TRIM9: variants seen among roughly 807,000 people sequenced by gnomAD.
TRIM9 encodes the protein E3 ubiquitin-protein ligase TRIM9.
TRIM9 carries 26 observed loss-of-function variants against 78.3 expected under a neutral mutation model. The observed-to-expected ratio is 0.33, with a 90% CI of 0.24 to 0.46. The LOEUF (loss-of-function observed/expected upper bound fraction) is 0.46, where lower values mean the gene tolerates loss of function less well. TRIM9 is among the 20% of genes least tolerant of loss of function. The pLI is 1.00. For synonymous variants in TRIM9, 398 were observed against 416.5 expected (o/e 0.96, Z 0.54); for missense variants, 787 against 1,036.4 (o/e 0.76, Z 3.30).
chr14:51,063,450 G>C lies in TRIM9; in HGVS notation c.822+30668C>G, dbSNP rs2061498508. Among the ~76,000 whole-genome samples, 3 of 149,348 alleles carry C rather than the reference G, an allele frequency of 2.0e-5. No homozygotes were observed. The South Asian group carries it at 6.4e-4, about 32-fold the overall frequency. ...TATTTGAAGAGATGGTAGTAAAAATGCTCCCAAATTTGGTTAAAAAATTAT... is the reference window on the plus strand; with the variant it reads ...TATTTGAAGAGATGGTAGTAAAAATCCTCCCAAATTTGGTTAAAAAATTAT... On this transcript the variant is annotated intron_variant, in intron 1 of 12. Transcript: ENST00000684578.
chr14:51,041,887 G>C lies in TRIM9; in HGVS notation c.823-16527C>G, dbSNP rs1218754621. 2.0e-5 allele frequency among the ~76,000 whole-genome samples: 3 copies of C among 152,094 alleles called. No individual in the cohort carries two copies. The East Asian group carries it at 5.8e-4, about 29-fold the overall frequency. On this transcript the variant is annotated intron_variant, in intron 1 of 12. Transcript: ENST00000684578. ...TAATGCCTACTTGTAAGAAAAAATT[G>C]CTATCAATCTAGTGGTATAAAATTA...
intron 1 of TRIM9, among the ~76,000 whole-genome samples, chr14:51,028,952 A>T (rs909136319): frequency 6.6e-6 from 1 of 151,948 alleles, no homozygotes; most frequent in African/African-American, 2.4e-5. Context: ...CCTCCCCAGG[A>T]GGGAGAGATC....
intron 1 of TRIM9, among the ~76,000 whole-genome samples, chr14:51,061,078 T>C (rs1215458937): frequency 6.6e-6 from 1 of 152,186 alleles, no homozygotes; most frequent in East Asian, 1.9e-4. Context: ...ATTCCTACAT[T>C]TTTTGTGAAG....
chr14:51,082,075 G>C (rs2063351200), intron 1 of TRIM9, among the ~76,000 whole-genome samples: 1 of 152,142 alleles, frequency 6.6e-6, no homozygotes, highest in Non-Finnish European at 1.5e-5. Flanking sequence ...CTAGTCATTA[G>C]AGAAATGCAA....
chr14:51,067,465 C>T (rs538608789), intron 1 of TRIM9, among the ~76,000 whole-genome samples: 1 of 152,318 alleles, frequency 6.6e-6, no homozygotes, highest in Non-Finnish European at 1.5e-5. Context: ...AAGACACTCC[C>T]ATGGCCTCCT....
At chr14:51,084,156 G>A (rs9707722) in intron 1 of TRIM9, among the ~76,000 whole-genome samples, 71,533 of 151,862 alleles carry the variant, frequency 0.47, 17,485 homozygotes, top group African/African-American at 0.58. Context: ...CTTACTATCA[G>A]TTCAAACTTT....
chr14:51,092,313 G>A (rs951483279), intron 1 of TRIM9, among the ~76,000 whole-genome samples: 1 of 152,230 alleles, frequency 6.6e-6, no homozygotes, highest in Non-Finnish European at 1.5e-5. Context: ...TAGGTTATAT[G>A]TGAGAATAGA....
Position 51,094,509 on chromosome 14 carries a change from C to G in TRIM9, c.431G>C (p.Gly144Ala). ...TTCCAGTACGCGATTCTTGGGGAAG[C>G]CGCGGAGCCCCCGGTCATCCAGGAT... ...SLILDDRGLR[G>A]FPKNRVLEGV... Residue 144 changes from glycine to alanine, a missense_variant, in exon 1 of 13, where the codon GGC becomes GCC. Coordinates refer to ENST00000684578, the MANE Select transcript of TRIM9 (RefSeq NM_001387360.1). 6.2e-7 allele frequency: 1 copy of G among 1,613,622 alleles called. No individual in the cohort carries two copies. Among genetic ancestry groups the G allele is most frequent in the Non-Finnish European group, 8.5e-7 (1 of 1,179,928 alleles).
intron 7 of TRIM9, among the ~76,000 whole-genome samples, chr14:50,988,574 C>CTT (rs67154650): frequency 5.1e-5 from 7 of 138,250 alleles, no homozygotes; most frequent in Admixed American, 1.5e-4. Flanking sequence ...ACAACCATTT[C>CTT]TTTTTTTTTT....
At chr14:50,997,685 C>T in intron 7 of TRIM9, 1 of 1,139,412 alleles carries the variant, frequency 8.8e-7, no homozygotes, top group South Asian at 3.1e-5. Context: ...AAAACTGGCA[C>T]ATGATGTGTA....
chr14:51,034,725 C>G (rs544811066), intron 1 of TRIM9, among the ~76,000 whole-genome samples: 1 of 152,160 alleles, frequency 6.6e-6, no homozygotes, highest in Non-Finnish European at 1.5e-5. Context: ...TTATAGAGAC[C>G]TATACAGTGA....
At chr14:51,003,271 G>C (rs2055323354) in intron 5 of TRIM9, among the ~76,000 whole-genome samples, 2 of 151,972 alleles carry the variant, frequency 1.3e-5, no homozygotes, top group African/African-American at 4.8e-5. Context: ...ATTCTTCAAA[G>C]GGCTTGTAGA....
At chr14:51,089,677 G>C (rs2064127017) in intron 1 of TRIM9, among the ~76,000 whole-genome samples, 1 of 152,196 alleles carries the variant, frequency 6.6e-6, no homozygotes, top group Admixed American at 6.5e-5. Context: ...TCTTTGTATA[G>C]TATTCTTATT....
In TRIM9 at chr14:51,094,283, C is replaced by T. The variant is rs201843050; in HGVS notation, c.657G>A (p.Arg219=). The part of the protein sequence containing the change: ...LVPPAQGRVS[R]RLSPRKVSTC... The stretch of plus-strand genomic sequence containing the variant: ...TGGAGACCTTGCGTGGGCTCAGCCT[C>T]CGGCTCACACGACCCTGGGCCGGGG... Residue 219 remains arginine (R), a synonymous_variant, in exon 1 of 13, where the codon CGG becomes CGA. Transcript: ENST00000684578. 5 of 1,614,056 alleles carry T rather than the reference C, an allele frequency of 3.1e-6. No individual in the cohort carries two copies. The highest frequency in any genetic ancestry group is 3.3e-5 in the Admixed American group (2 of 60,030).
rs75962801 is a variant in TRIM9 at position 51,079,423 on chromosome 14, C to T, written c.822+14695G>A. ...TTCCAGGTTCTACTAAGTATTTGTC[C>T]TATTTCATTTCCATGGTGGCTATAT... is the stretch of plus-strand genomic sequence containing the variant. On this transcript the variant is annotated intron_variant, in intron 1 of 12. Transcript: ENST00000684578. Among the ~76,000 whole-genome samples the T allele has an allele frequency of 3.0e-3, 455 of 152,248 alleles. 16 individuals are homozygous for T. In the East Asian group the frequency reaches 0.07, roughly 23 times the overall value.
chr14:51,074,890 A>G (rs4389065), intron 1 of TRIM9, among the ~76,000 whole-genome samples: 83,752 of 152,162 alleles, frequency 0.55, 23,153 homozygotes, highest in South Asian at 0.61. Context: ...AGATGCCGCA[A>G]CTACATGGTT....
At chr14:51,055,576 G>A (rs2060832441) in intron 1 of TRIM9, among the ~76,000 whole-genome samples, 1 of 152,238 alleles carries the variant, frequency 6.6e-6, no homozygotes, top group Non-Finnish European at 1.5e-5. Flanking sequence ...AGAGAAACAA[G>A]TTTGCTGGTT....
chr14:50,998,313 T>C (rs2054495220), intron 6 of TRIM9, 125 bp from the exon 7 acceptor site: 1 of 910,060 alleles, frequency 1.1e-6, no homozygotes, highest in African/African-American at 1.7e-5. Flanking sequence ...TTGAATCCTG[T>C]GAGATATTGG....
intron 4 of TRIM9, among the ~76,000 whole-genome samples, 175 bp from the exon 5 acceptor site, chr14:51,009,408 C>A (rs1223014848): frequency 3.3e-5 from 5 of 152,206 alleles, no homozygotes; most frequent in Non-Finnish European, 7.3e-5. Context: ...ACTCACAATT[C>A]ATCAAGCAAA....
Sources: gnomAD v4.1 joint callset for allele counts (sites outside exome capture counted in the v4.1 genomes callset) on GRCh38, gnomAD v4.1.1 for gene constraint, MANE v1.5 for transcripts, NCBI Gene and HGNC (gene_info 2026-07-23, HGNC 2026-07-21) for gene names.